The following BBS9 variants were observed in gnomAD, a reference collection of about 807,000 sequenced individuals.
BBS9 encodes the protein Bardet-Biedl syndrome 9, also known as protein PTHB1.
Under a neutral mutation model 117.7 loss-of-function variants are expected in BBS9, and 89 were observed. The ratio of observed to expected loss-of-function variants is 0.76; its 90% CI spans 0.64 to 0.90. The LOEUF is 0.90. Ranked by LOEUF, BBS9 falls within the 40% of genes least tolerant of loss-of-function variation. The pLI, the probability that BBS9 is intolerant of heterozygous loss-of-function variation, is 0.00. For missense variants in BBS9, 982 were observed against 1,042.2 expected, an observed-to-expected ratio of 0.94 and a Z score of 0.80; for synonymous variants, 379 against 370.9, an observed-to-expected ratio of 1.02 and a Z score of -0.25.
At chr7:33,177,443 C>G (rs1482633536) in intron 4 of BBS9, 35 bp from the exon 5 acceptor site, 1 of 1,417,298 alleles carries the variant, frequency 7.1e-7, no homozygotes, top group East Asian at 2.3e-5. Flanking sequence ...TTAGTGTACA[C>G]AAATACAAAG....
intron 20 of BBS9, among the ~76,000 whole-genome samples, chr7:33,530,897 A>G (rs1200952467): frequency 6.6e-6 from 1 of 152,178 alleles, no homozygotes; most frequent in Non-Finnish European, 1.5e-5. Context: ...CATTATGGCA[A>G]TCAGTGGGAA....
chr7:33,446,596 G>A (rs1244106206), intron 19 of BBS9, among the ~76,000 whole-genome samples: 1 of 152,062 alleles, frequency 6.6e-6, no homozygotes, highest in African/African-American at 2.4e-5. Flanking sequence ...TTGGAAGCTT[G>A]GTATTTGCCC....
intron 9 of BBS9, among the ~76,000 whole-genome samples, chr7:33,278,440 A>G (rs1025753723): frequency 3.9e-5 from 6 of 152,202 alleles, no homozygotes; most frequent in African/African-American, 1.4e-4. Flanking sequence ...CTATAGGATA[A>G]TGAGTAGATT....
intron 19 of BBS9, among the ~76,000 whole-genome samples, chr7:33,485,689 A>G (rs184764723): frequency 2.0e-5 from 3 of 152,318 alleles, no homozygotes; most frequent in Non-Finnish European, 4.4e-5. Flanking sequence ...TAAGGTAGAC[A>G]TTGGGTGATA....
At chr7:33,611,533 AT>A (rs1403934266) in intron 21 of BBS9, among the ~76,000 whole-genome samples, 2 of 141,522 alleles carry the variant, frequency 1.4e-5, no homozygotes, top group South Asian at 2.1e-4. Context: ...AAAGTATTAT[AT>A]TTATTCCTTT....
intron 1 of BBS9, among the ~76,000 whole-genome samples, chr7:33,130,330 G>A (rs924873497): frequency 6.6e-6 from 1 of 152,172 alleles, no homozygotes; most frequent in African/African-American, 2.4e-5. Context: ...GAGTAAATGG[G>A]CAAAGCAGTT....
chr7:33,397,654 C>G, intron 19 of BBS9, among the ~76,000 whole-genome samples: 1 of 152,100 alleles, frequency 6.6e-6, no homozygotes, highest in Non-Finnish European at 1.5e-5. Flanking sequence ...GGAACGAGAT[C>G]ATGCCCTTTG....
At chr7:33,184,558 A>T (rs183415063) in intron 5 of BBS9, among the ~76,000 whole-genome samples, 1 of 152,178 alleles carries the variant, frequency 6.6e-6, no homozygotes, top group Non-Finnish European at 1.5e-5. Context: ...TTTTATTAAG[A>T]GGGTCATTTA....
intron 19 of BBS9, among the ~76,000 whole-genome samples, chr7:33,407,787 C>T (rs916612437): frequency 6.6e-6 from 1 of 152,202 alleles, no homozygotes; most frequent in Non-Finnish European, 1.5e-5. Flanking sequence ...CTGACTGTTC[C>T]TCTGGAAGTT....
intron 15 of BBS9, among the ~76,000 whole-genome samples, chr7:33,354,374 A>G (rs1023852381): frequency 6.6e-6 from 1 of 152,134 alleles, no homozygotes; most frequent in Admixed American, 6.5e-5. Flanking sequence ...AGAGAGGCAA[A>G]CGAGGTTTTA....
intron 6 of BBS9, among the ~76,000 whole-genome samples, chr7:33,260,257 C>G (rs1450551825): frequency 6.6e-6 from 1 of 152,164 alleles, no homozygotes; most frequent in Non-Finnish European, 1.5e-5. Context: ...CCGCCTCAGC[C>G]TCCCAAAGTG....
chr7:33,434,945 C>A (rs1835079808), intron 19 of BBS9, among the ~76,000 whole-genome samples: 1 of 152,078 alleles, frequency 6.6e-6, no homozygotes, highest in Non-Finnish European at 1.5e-5. Context: ...AGTATTGTGA[C>A]TCCATTACTT....
At chr7:33,310,734 G>A (rs916505888) in intron 9 of BBS9, among the ~76,000 whole-genome samples, 1 of 152,172 alleles carries the variant, frequency 6.6e-6, no homozygotes, top group African/African-American at 2.4e-5. Context: ...GTATTTACTG[G>A]TAGAGGCCTG....
At chr7:33,486,249 C>T (rs1429045145) in intron 19 of BBS9, among the ~76,000 whole-genome samples, 1 of 152,114 alleles carries the variant, frequency 6.6e-6, no homozygotes, top group East Asian at 1.9e-4. Flanking sequence ...GCTGTGACAG[C>T]TTCTCAAATT....
At chr7:33,279,215 A>G (rs1239946536) in intron 9 of BBS9, among the ~76,000 whole-genome samples, 2 of 152,004 alleles carry the variant, frequency 1.3e-5, no homozygotes, top group African/African-American at 2.4e-5. Context: ...AGCTACAACT[A>G]TAGGCATATG....
chr7:33,259,005 C>T (rs139558485), intron 6 of BBS9, among the ~76,000 whole-genome samples: 33 of 152,080 alleles, frequency 2.2e-4, no homozygotes, highest in East Asian at 5.8e-4. Flanking sequence ...GCATGAGATA[C>T]GAGATTATTG....
intron 9 of BBS9, among the ~76,000 whole-genome samples, chr7:33,315,422 A>G (rs867698871): frequency 6.6e-6 from 1 of 152,168 alleles, no homozygotes; most frequent in African/African-American, 2.4e-5. Context: ...TTAATTCGGA[A>G]TGATCTCATC....
At chr7:33,476,293 T>A (rs1342013272) in intron 19 of BBS9, among the ~76,000 whole-genome samples, 1 of 152,106 alleles carries the variant, frequency 6.6e-6, no homozygotes, top group Non-Finnish European at 1.5e-5. Context: ...TTTATATGGG[T>A]AATAAAGCCA....
intron 19 of BBS9, among the ~76,000 whole-genome samples, chr7:33,410,288 T>G (rs770228306): frequency 1.3e-5 from 2 of 152,340 alleles, no homozygotes; most frequent in Non-Finnish European, 2.9e-5. Flanking sequence ...AAATGTTTTC[T>G]TCTCTGCACC....
Sources: allele counts gnomAD v4.1 joint callset (sites outside exome capture counted in the v4.1 genomes callset), GRCh38; gene constraint gnomAD v4.1.1; transcripts MANE v1.5; gene names NCBI Gene and HGNC (gene_info 2026-07-23, HGNC 2026-07-21).